Variants in PLEKHA1 observed in about 807,000 individuals in gnomAD.
PLEKHA1 encodes pleckstrin homology domain-containing family A member 1.
In PLEKHA1, 34 loss-of-function variants were observed where a neutral mutation model predicts 52.0. The ratio of observed to expected loss-of-function variants is 0.65; its 90% CI spans 0.50 to 0.87. The LOEUF (loss-of-function observed/expected upper bound fraction) is 0.87. Among genes scored for constraint, PLEKHA1 ranks in the 40% least tolerant of loss-of-function variants. The pLI is 0.00. For missense variants in PLEKHA1, 497 were observed against 504.2 expected (o/e 0.99, Z 0.14); for synonymous variants, 163 against 170.7 (o/e 0.95, Z 0.35).
chr10:122,389,974 A>G (rs957960611), intron 1 of PLEKHA1, among the ~76,000 whole-genome samples: 4 of 152,194 alleles, frequency 2.6e-5, no homozygotes, highest in Admixed American at 6.5e-5. Context: ...GGCATCTTCC[A>G]ATAGAAGACT....
Position 122,393,643 on chromosome 10 carries a change from T to C in PLEKHA1, c.141+302T>C, listed in dbSNP as rs552080053. Among the ~76,000 whole-genome samples the C allele has an allele frequency of 5.5e-4, 83 of 152,180 alleles. No homozygotes were observed. The highest frequency in any genetic ancestry group is 1.8e-3 in the African/African-American group (76 of 41,530). On this transcript the variant is annotated intron_variant, in intron 2 of 11. Coordinates refer to ENST00000368990, the MANE Select transcript of PLEKHA1 (RefSeq NM_001001974.4). The surrounding 1 kb of genome is among the most constrained non-coding windows in gnomAD (Gnocchi z 4.5). ...TTAGAACTTGAGTCACAGAAAAAAA[T>C]AACAATTGAAGCTGTCCCAAAAATA...
intron 5 of PLEKHA1, among the ~76,000 whole-genome samples, chr10:122,409,454 A>G (rs902874758): frequency 6.6e-6 from 1 of 151,888 alleles, no homozygotes; most frequent in African/African-American, 2.4e-5. Context: ...TAGTGGAAAT[A>G]TAGTGGAAAC....
chr10:122,379,210 T>C (rs2096580792), intron 1 of PLEKHA1, among the ~76,000 whole-genome samples: 1 of 152,304 alleles, frequency 6.6e-6, no homozygotes, highest in South Asian at 2.1e-4. Flanking sequence ...GTTACGTGAA[T>C]GTGTGTGAGT....
the PLEKHA1 span, chr10:122,439,281 A>AT: frequency 1.3e-5 from 2 of 151,468 alleles, no homozygotes; most frequent in African/African-American, 4.9e-5. Context: ...GCTATTAGGG[A>AT]TTTTTGCATA....
Position 122,400,419 on chromosome 10 carries a change from A to G in PLEKHA1, c.244+31A>G, listed in dbSNP as rs1460542491. ...TAGCCATGTTATATATATTTTAAAT[A>G]GACTGATATAATTGTATCATATTGT... On this transcript the variant is annotated intron_variant, in intron 4 of 11. Coordinates refer to ENST00000368990, the MANE Select transcript of PLEKHA1 (RefSeq NM_001001974.4). 3.8e-6 allele frequency: 6 copies of G among 1,564,484 alleles called. No individual in the cohort carries two copies. The South Asian group carries it at 4.7e-5, about 12-fold the overall frequency.
At chr10:122,406,304 T>G (rs1242573700) in intron 4 of PLEKHA1, among the ~76,000 whole-genome samples, 1 of 152,232 alleles carries the variant, frequency 6.6e-6, no homozygotes, top group Non-Finnish European at 1.5e-5. Flanking sequence ...TTTATATAAT[T>G]TCAAAAACCG....
At chr10:122,382,514 A>G (rs1401772768) in intron 1 of PLEKHA1, among the ~76,000 whole-genome samples, 1 of 152,188 alleles carries the variant, frequency 6.6e-6, no homozygotes, top group Non-Finnish European at 1.5e-5. Flanking sequence ...TAGTAACAAA[A>G]CTGTGGGGTG....
Position 122,430,908 on chromosome 10 carries a change from T to G in PLEKHA1, c.*970T>G, listed in dbSNP as rs947065064. On this transcript the variant is annotated 3_prime_UTR_variant, in exon 12 of 12. Coordinates refer to ENST00000368990, the MANE Select transcript of PLEKHA1 (RefSeq NM_001001974.4). ...GTCCTACGTGACTGATTTTAAACAT[T>G]GTGATAAAATTAATTTTCAGTAGAA... 6.6e-6 allele frequency: 1 copy of G among 152,638 alleles called. No homozygotes were observed. Among genetic ancestry groups the G allele is most frequent in the African/African-American group, 2.4e-5 (1 of 41,462 alleles). The allele number at this position is 152,638 out of a possible 1,614,324, so 9.5% of individuals were successfully genotyped here.
In PLEKHA1 at chr10:122,424,211, C is replaced by G; in HGVS notation, c.694C>G (p.Leu232Val). Residue 232 changes from leucine to valine, a missense_variant, in exon 9 of 12, where the codon CTT (leucine) becomes GTT (valine). By Grantham distance (32) the Leu-to-Val change is conservative. Coordinates refer to ENST00000368990, the MANE Select transcript of PLEKHA1 (RefSeq NM_001001974.4). ...YFKSELEKEPLRVIPLKEVHK... is the reference protein window; with the variant it reads ...YFKSELEKEPVRVIPLKEVHK... Reference sequence around the variant, plus strand: ...TTTTTTTTGCCAGGAAAAGGAACCTCTTCGTGTAATACCACTTAAAGAGGT... The same window carrying G: ...TTTTTTTTGCCAGGAAAAGGAACCTGTTCGTGTAATACCACTTAAAGAGGT... 3 of 1,553,264 alleles carry G rather than the reference C, an allele frequency of 1.9e-6. No homozygotes were observed. Among genetic ancestry groups the G allele is most frequent in the South Asian group, 1.2e-5 (1 of 82,238 alleles).
chr10:122,414,492 T>G (rs1565267491), intron 6 of PLEKHA1, among the ~76,000 whole-genome samples: 1 of 152,064 alleles, frequency 6.6e-6, no homozygotes, highest in Non-Finnish European at 1.5e-5. Context: ...TGAAAGACCT[T>G]CTTAAGAGGA....
In PLEKHA1 at chr10:122,429,629, T is replaced by TC. The variant is rs1565352098; in HGVS notation, c.912dup (p.Gly305ArgfsTer68). The TC allele has an allele frequency of 1.2e-6, 2 of 1,612,344 alleles. No homozygotes were observed. The highest frequency in any genetic ancestry group is 1.7e-4 in the Middle Eastern group (1 of 6,058). ...ACTGCCACTCCTTTTTGCAGGAGCA[T>TC]CCCCCCGGTCCTTCAGAATCCAAAC... On this transcript the variant is annotated frameshift_variant, in exon 12 of 12. Coordinates refer to ENST00000368990, the MANE Select transcript of PLEKHA1 (RefSeq NM_001001974.4). LOFTEE classifies it high-confidence loss of function.
chr10:122,425,110 GA>G, intron 10 of PLEKHA1, 151 bp downstream of exon 10: 1 of 551,822 alleles, frequency 1.8e-6, no homozygotes, highest in Non-Finnish European at 3.0e-6. Flanking sequence ...ACTGTATATA[GA>G]GTTATTGGTG....
chr10:122,405,178 A>G (rs1311000316), intron 4 of PLEKHA1, among the ~76,000 whole-genome samples: 4 of 152,206 alleles, frequency 2.6e-5, no homozygotes, highest in East Asian at 3.9e-4. Context: ...ACTAAATTGC[A>G]TAAAAGTTCC....
chr10:122,416,077 T>G, intron 7 of PLEKHA1, 75 bp downstream of exon 7: 1 of 1,460,964 alleles, frequency 6.8e-7, no homozygotes, highest in Non-Finnish European at 9.2e-7. Flanking sequence ...ACATGGAAAT[T>G]GTTTGCTTTA....
intron 4 of PLEKHA1, among the ~76,000 whole-genome samples, chr10:122,405,364 G>A (rs933417553): frequency 6.6e-5 from 10 of 151,846 alleles, no homozygotes; most frequent in Non-Finnish European, 1.3e-4. Flanking sequence ...GTAAAGTATT[G>A]GTAATAAAGC....
chr10:122,408,989 G>T (rs954289860), intron 5 of PLEKHA1, among the ~76,000 whole-genome samples: 2 of 152,298 alleles, frequency 1.3e-5, no homozygotes, highest in African/African-American at 4.8e-5. Context: ...GAGTTTGGAA[G>T]TGTGTGGTTT....
Position 122,393,489 on chromosome 10 carries a change from G to T in PLEKHA1, c.141+148G>T. The T allele has an allele frequency of 1.6e-6, 1 of 631,526 alleles. No individual in the cohort carries two copies. The allele number at this position is 631,526 out of a possible 1,614,324, so 39.1% of individuals were successfully genotyped here. On this transcript the variant is annotated intron_variant, in intron 2 of 11. Transcript: ENST00000368990. This position sits in a 1 kb window ranked among gnomAD's most constrained non-coding sequence, Gnocchi z 4.5. The stretch of plus-strand genomic sequence containing the variant: ...GCTGTCCTCTCTGCCCTGCACCCCT[G>T]ACCTCTACTGTTTTGTTTGAATTTC...
intron 1 of PLEKHA1, chr10:122,387,792 T>G (rs1355547183): frequency 6.6e-6 from 1 of 152,294 alleles, no homozygotes; most frequent in Non-Finnish European, 1.5e-5. Context: ...CCGCACAGCT[T>G]CTTCATGGGA....
intron 1 of PLEKHA1, among the ~76,000 whole-genome samples, chr10:122,375,311 T>G: frequency 6.6e-6 from 1 of 152,020 alleles, no homozygotes. Context: ...CGGGCATCCT[T>G]TCCTGGTGTT....
Sources: gnomAD v4.1 joint callset for allele counts (sites outside exome capture counted in the v4.1 genomes callset) on GRCh38, gnomAD v4.1.1 for gene constraint, Gnocchi (gnomAD v3.1) non-coding constraint, MANE v1.5 for transcripts, NCBI Gene and HGNC (gene_info 2026-07-23, HGNC 2026-07-21) for gene names.